Variants in MICAL3 observed in about 807,000 individuals in gnomAD.
The protein encoded by MICAL3 is microtubule associated monooxygenase, calponin and LIM domain containing 3.
MICAL3 carries 62 observed loss-of-function variants against 207.4 expected under a neutral mutation model. The observed-to-expected ratio is 0.30, with a 90% CI of 0.24 to 0.37. MICAL3 has a LOEUF of 0.37. Among genes scored for constraint, MICAL3 ranks in the 10% least tolerant of loss-of-function variants. The probability of loss-of-function intolerance (pLI) is 1.00; values close to 1 mark genes in which losing one functional copy is unlikely to be tolerated. For missense variants in MICAL3, 2,368 were observed against 2,635.6 expected (o/e 0.90, Z 2.22); for synonymous variants, 1,077 against 1,069.3 (o/e 1.01, Z -0.14).
chr22:17,860,429 G>T, intron 19 of MICAL3: 1 of 985,428 alleles, frequency 1.0e-6, no homozygotes. Flanking sequence ...TCGTACCGCC[G>T]CCGGGAAGCC....
At chr22:17,847,435 A>G (rs542208280) in intron 19 of MICAL3, among the ~76,000 whole-genome samples, 9 of 152,188 alleles carry the variant, frequency 5.9e-5, no homozygotes, top group African/African-American at 2.2e-4. Context: ...CATTCATCCA[A>G]TCACTGATTC....
chr22:17,849,644 A>ATGTGTGTGTGTGTGTG (rs149239378), intron 19 of MICAL3, among the ~76,000 whole-genome samples: 1 of 79,446 alleles, frequency 1.3e-5, no homozygotes, highest in East Asian at 3.6e-4. Context: ...CCAGAATGGA[A>ATGTGTGTGTGTGTGTG]TGTGTGTGTG....
At chr22:17,877,621 T>A (rs555626160) in intron 16 of MICAL3, among the ~76,000 whole-genome samples, 2 of 150,210 alleles carry the variant, frequency 1.3e-5, no homozygotes, top group South Asian at 4.2e-4. Context: ...GGCAGCAGAG[T>A]CCAAGAAAAG....
intron 1 of MICAL3, among the ~76,000 whole-genome samples, chr22:18,003,036 T>G (rs1402401643): frequency 6.6e-6 from 1 of 151,672 alleles, no homozygotes; most frequent in African/African-American, 2.4e-5. Flanking sequence ...GGTGGGCGCC[T>G]GTAGTCCCAG....
At chr22:17,799,519 C>T (rs1428766020) in intron 29 of MICAL3, among the ~76,000 whole-genome samples, 2 of 152,224 alleles carry the variant, frequency 1.3e-5, no homozygotes, top group Admixed American at 6.5e-5. Context: ...GGAAGACTGA[C>T]CAAATGTGTT....
At chr22:17,981,053 C>G (rs1458402007) in intron 1 of MICAL3, 1 of 357,442 alleles carries the variant, frequency 2.8e-6, no homozygotes, top group Admixed American at 3.0e-5. Context: ...AAATGCTTAA[C>G]AGACTGGTCT....
chr22:18,006,617 T>A (rs953220575), intron 1 of MICAL3: 3 of 152,222 alleles, frequency 2.0e-5, no homozygotes, highest in Non-Finnish European at 4.4e-5. Context: ...GCAGATCACC[T>A]GAGGTCAGGA....
intron 1 of MICAL3, among the ~76,000 whole-genome samples, chr22:17,933,899 TAC>T (rs1483357613): frequency 6.6e-6 from 1 of 152,162 alleles, no homozygotes; most frequent in Non-Finnish European, 1.5e-5. Context: ...CCTGGACACA[TAC>T]ACTCTCTCAA....
At chr22:17,947,851 T>C (rs1934147562) in intron 1 of MICAL3, among the ~76,000 whole-genome samples, 1 of 152,190 alleles carries the variant, frequency 6.6e-6, no homozygotes, top group South Asian at 2.1e-4. Flanking sequence ...GGTAATGAGC[T>C]ACTGTATCTG....
intron 1 of MICAL3, among the ~76,000 whole-genome samples, chr22:17,984,816 C>T (rs1164862727): frequency 6.6e-6 from 1 of 152,174 alleles, no homozygotes; most frequent in Non-Finnish European, 1.5e-5. Flanking sequence ...ATTGTTCATA[C>T]AAATGAGGAA....
chr22:17,911,513 G>C (rs1166231499), intron 1 of MICAL3, among the ~76,000 whole-genome samples: 2 of 152,054 alleles, frequency 1.3e-5, no homozygotes, highest in African/African-American at 4.8e-5. Context: ...TCAGTCAGAG[G>C]TATGTCTCAT....
At chr22:17,826,334 C>T (rs756478061) in intron 22 of MICAL3, 9 of 448,178 alleles carry the variant, frequency 2.0e-5, no homozygotes, top group South Asian at 9.3e-5. Context: ...TACCCCCACC[C>T]GCCTCTGCCG....
intron 19 of MICAL3, among the ~76,000 whole-genome samples, chr22:17,845,761 C>T (rs1291357139): frequency 2.0e-5 from 3 of 152,176 alleles, no homozygotes; most frequent in Non-Finnish European, 1.5e-5. Context: ...GGCACATGTT[C>T]GCAACAGCCC....
Position 17,906,779 on chromosome 22 carries a change from C to G in MICAL3, c.34G>C (p.Ala12Pro). Residue 12 changes from alanine to proline, a missense_variant, in exon 2 of 32, where the codon GCT (alanine) becomes CCT (proline). Ala to Pro is a conservative substitution (Grantham distance 27). Coordinates refer to ENST00000441493, the MANE Select transcript of MICAL3 (RefSeq NM_015241.3). ...EERKHETMNPAHVLFDRFVQA... is the reference protein window; with the variant it reads ...EERKHETMNPPHVLFDRFVQA... The stretch of plus-strand genomic sequence containing the variant: ...ACAAACCGGTCAAAGAGGACATGAG[C>G]TGGGTTCATGGTCTCATGCTTCCTC... 1.2e-6 allele frequency: 2 copies of G among 1,612,718 alleles called. No individual in the cohort carries two copies. Among genetic ancestry groups the G allele is most frequent in the Middle Eastern group, 3.3e-4 (2 of 6,046 alleles).
chr22:17,907,345 G>A (rs745801919), intron 1 of MICAL3, among the ~76,000 whole-genome samples: 19 of 152,116 alleles, frequency 1.2e-4, no homozygotes, highest in Non-Finnish European at 1.0e-4. Context: ...TGAGTGACTC[G>A]TACAGATCAA....
In MICAL3 at chr22:17,793,181, T is replaced by C. The variant is rs995478575; in HGVS notation, c.5651-1880A>G. Among the ~76,000 whole-genome samples, 3 of 152,198 alleles carry C rather than the reference T, an allele frequency of 2.0e-5. No homozygotes were observed. Among genetic ancestry groups the C allele is most frequent in the East Asian group, 3.8e-4 (2 of 5,202 alleles). ...GGCAGGTAAGAGTTAGCAGGGTTAG[T>C]CACGGCCACACCCCCCACATGCCTT... On this transcript the variant is annotated intron_variant, in intron 29 of 31. Transcript: ENST00000441493. This position sits in a 1 kb window ranked among gnomAD's most constrained non-coding sequence, Gnocchi z 4.1.
rs1927070560 is a variant in MICAL3, at chr22:17,866,015, G to A, written c.2429-3C>T. ...GTGTGGCTTACAGTAGAATTTACCT[G>A]CAGACAGCAAGAGGCAGGGACAGAG... On this transcript the variant is annotated splice_polypyrimidine_tract_variant and splice_region_variant and intron_variant, in intron 17 of 31. Transcript: ENST00000441493. 1 of 1,610,646 alleles carries A rather than the reference G, an allele frequency of 6.2e-7. No homozygotes were observed. Among genetic ancestry groups the A allele is most frequent in the Admixed American group, 1.7e-5 (1 of 60,012 alleles).
At chr22:18,007,400 A>G (rs1197740329) in intron 1 of MICAL3, 1 of 151,898 alleles carries the variant, frequency 6.6e-6, no homozygotes, top group African/African-American at 2.4e-5. Flanking sequence ...GAATTTTCCT[A>G]TGCTATTCTA....
At position 17,834,224 on chromosome 22, in the gene MICAL3, A is replaced by T. The variant is rs370294932; in HGVS notation, c.2802-2117T>A. ...TTGTGCTCTCTGAGTTTGCTCAATGACACATTCATTCATTCACTCGGTGAA... is the reference window on the plus strand; with the variant it reads ...TTGTGCTCTCTGAGTTTGCTCAATGTCACATTCATTCATTCACTCGGTGAA... On this transcript the variant is annotated intron_variant, in intron 20 of 31. Transcript: ENST00000441493. The T allele has an allele frequency of 3.8e-3, 4,131 of 1,088,868 alleles. 14 individuals carry two copies. The highest frequency in any genetic ancestry group is 4.4e-3 in the Non-Finnish European group (3,871 of 888,940). 67.5% of individuals were successfully genotyped at this position (1,088,868 alleles called of 1,614,324 possible). A position where few individuals can be genotyped will look rare whatever the true frequency, so the allele number is the denominator to read the frequency against.
Sources: gnomAD v4.1 joint callset for allele counts (sites outside exome capture counted in the v4.1 genomes callset) on GRCh38, gnomAD v4.1.1 for gene constraint, Gnocchi (gnomAD v3.1) non-coding constraint, MANE v1.5 for transcripts, NCBI Gene and HGNC (gene_info 2026-07-23, HGNC 2026-07-21) for gene names.